The following GLRX3 variants were observed in gnomAD, a reference collection of about 807,000 sequenced individuals.
The protein encoded by GLRX3 is glutaredoxin-3.
A neutral mutation model predicts 49.5 loss-of-function variants in GLRX3; 22 were observed. That is an observed-to-expected ratio of 0.44 (90% CI 0.32 to 0.63). The LOEUF (loss-of-function observed/expected upper bound fraction) is 0.63, where lower values mean the gene tolerates loss of function less well. Among genes scored for constraint, GLRX3 ranks in the 30% least tolerant of loss-of-function variants. The pLI, the probability that GLRX3 is intolerant of heterozygous loss-of-function variation, is 0.05. For synonymous variants in GLRX3, 133 were observed against 140.0 expected, an observed-to-expected ratio of 0.95 and a Z score of 0.35; for missense variants, 385 against 396.3, an observed-to-expected ratio of 0.97 and a Z score of 0.24.
chr10:130,173,802 T>C (rs142715071), intron 8 of GLRX3, among the ~76,000 whole-genome samples: 1 of 152,364 alleles, frequency 6.6e-6, no homozygotes, highest in East Asian at 1.9e-4. Flanking sequence ...ATTCCTTTTT[T>C]GGTAATTGCT....
intron 4 of GLRX3, among the ~76,000 whole-genome samples, chr10:130,163,955 GA>G (rs1205547413): frequency 1.3e-5 from 2 of 152,182 alleles, no homozygotes; most frequent in Non-Finnish European, 2.9e-5. Flanking sequence ...GGAGTATTTT[GA>G]TGTTTGTTTT....
intron 8 of GLRX3, among the ~76,000 whole-genome samples, chr10:130,174,438 C>T (rs1417657100): frequency 6.6e-6 from 1 of 152,232 alleles, no homozygotes; most frequent in Non-Finnish European, 1.5e-5. Flanking sequence ...TGGCAAGTTG[C>T]AGCTGGCTGC....
chr10:130,174,779 T>C, intron 8 of GLRX3, 88 bp from the exon 9 acceptor site: 3 of 847,898 alleles, frequency 3.5e-6, no homozygotes, highest in Middle Eastern at 3.4e-4. Context: ...AACGGTTTTC[T>C]TGATTATTTT....
At chr10:130,142,119 G>A (rs1717900195) in intron 1 of GLRX3, among the ~76,000 whole-genome samples, 1 of 152,028 alleles carries the variant, frequency 6.6e-6, no homozygotes, top group Non-Finnish European at 1.5e-5. Context: ...GGTGACTAGG[G>A]GCTCCTACAA....
intron 8 of GLRX3, among the ~76,000 whole-genome samples, chr10:130,174,494 C>T (rs1862875984): frequency 6.6e-6 from 1 of 152,256 alleles, no homozygotes; most frequent in Admixed American, 6.5e-5. Flanking sequence ...CACATCCCTT[C>T]ATTTATACAT....
intron 2 of GLRX3, among the ~76,000 whole-genome samples, chr10:130,155,973 G>A (rs1353256154): frequency 6.6e-6 from 1 of 152,198 alleles, no homozygotes; most frequent in African/African-American, 2.4e-5. Flanking sequence ...AGGGTCAGTG[G>A]AATGAGGACA....
At position 130,165,540 on chromosome 10, in the gene GLRX3, T is replaced by C. The variant is rs547587028; in HGVS notation, c.479-967T>C. 2.6e-5 allele frequency among the ~76,000 whole-genome samples: 4 copies of C among 152,318 alleles called. No individual in the cohort carries two copies. The South Asian group carries it at 8.3e-4, about 32-fold the overall frequency. On this transcript the variant is annotated intron_variant, in intron 4 of 10. Coordinates refer to ENST00000331244, the MANE Select transcript of GLRX3 (RefSeq NM_006541.5). ...ATGTAAATAGTTTTAAAAAAGAAAC[T>C]GTCAAGTTATGACATGAGATGAGAA... is the stretch of plus-strand genomic sequence containing the variant.
chr10:130,162,154 A>G (rs1398037943), intron 4 of GLRX3, among the ~76,000 whole-genome samples: 1 of 151,998 alleles, frequency 6.6e-6, no homozygotes, highest in Non-Finnish European at 1.5e-5. Context: ...ATTTTTTTGT[A>G]TTTTTAGTAG....
At chr10:130,143,883 GA>G (rs1413285430) in intron 1 of GLRX3, among the ~76,000 whole-genome samples, 1 of 151,980 alleles carries the variant, frequency 6.6e-6, no homozygotes, top group African/African-American at 2.4e-5. Context: ...GCTTTTAGTA[GA>G]GTTGGGGTTT....
intron 2 of GLRX3, among the ~76,000 whole-genome samples, chr10:130,158,155 CAGA>C (rs1862512541): frequency 6.6e-6 from 1 of 151,952 alleles, no homozygotes; most frequent in Admixed American, 6.6e-5. Flanking sequence ...ATTTGCTTCC[CAGA>C]AGAATTGTTA....
At chr10:130,155,822 A>G (rs976839430) in intron 2 of GLRX3, among the ~76,000 whole-genome samples, 13 of 152,346 alleles carry the variant, frequency 8.5e-5, no homozygotes, top group Middle Eastern at 3.4e-3. Context: ...AGGCTGGCAC[A>G]TGCCGGTGTT....
chr10:130,164,811 C>T (rs960348717), intron 4 of GLRX3, among the ~76,000 whole-genome samples: 1 of 152,170 alleles, frequency 6.6e-6, no homozygotes, highest in African/African-American at 2.4e-5. Context: ...TTCTTCTCAG[C>T]CAGTTACAGT....
intron 8 of GLRX3, 32 bp from the exon 9 acceptor site, chr10:130,174,835 T>C: frequency 7.2e-7 from 1 of 1,384,850 alleles, no homozygotes; most frequent in Non-Finnish European, 1.0e-6. Flanking sequence ...TTTAACTGTA[T>C]TTCCAGTTAA....
chr10:130,138,851 T>TG (rs1019482318), intron 1 of GLRX3, among the ~76,000 whole-genome samples: 3 of 145,738 alleles, frequency 2.1e-5, no homozygotes, highest in South Asian at 2.2e-4. Flanking sequence ...AAAAGTGTTT[T>TG]TTTTTTTTTT....
chr10:130,149,410 C>A (rs1402391402), intron 2 of GLRX3, among the ~76,000 whole-genome samples: 2 of 151,438 alleles, frequency 1.3e-5, no homozygotes, highest in Non-Finnish European at 2.9e-5. Context: ...CTACTGCACT[C>A]CGGCCTGCGT....
At chr10:130,180,314 A>G (rs1478327062), downstream of GLRX3, 4 of 152,142 alleles carry the variant, frequency 2.6e-5, no homozygotes. Context: ...AAGTGCTGGA[A>G]TTTACAGGTA....
chr10:130,136,477 C>G lies in GLRX3; in HGVS notation c.57C>G (p.Ala19=), dbSNP rs1003554892. Residue 19 remains alanine (A), a synonymous_variant, in exon 1 of 11, where the codon GCC becomes GCG. Transcript: ENST00000331244. ...AVAAVEEVGS[A]GQFEELLRLK... ...CGGCCGTGGAGGAGGTCGGCTCAGC[C>G]GGGCAGTTTGAGGAGCTGCTGCGCC... 5.5e-6 allele frequency: 7 copies of G among 1,266,664 alleles called. No individual in the cohort carries two copies. The highest frequency in any genetic ancestry group is 6.0e-6 in the Non-Finnish European group (6 of 1,000,220). The allele number at this position is 1,266,664 out of a possible 1,614,324, so 78.5% of individuals were successfully genotyped here.
At chr10:130,155,915 A>G (rs1307729335) in intron 2 of GLRX3, among the ~76,000 whole-genome samples, 2 of 152,270 alleles carry the variant, frequency 1.3e-5, no homozygotes, top group African/African-American at 4.8e-5. Context: ...GCCAAGTGGA[A>G]GGTGTTGCAG....
intron 1 of GLRX3, among the ~76,000 whole-genome samples, chr10:130,138,897 C>T (rs1261688708): frequency 1.7e-5 from 2 of 119,978 alleles, no homozygotes; most frequent in African/African-American, 6.6e-5. Flanking sequence ...CTCTCTGTTG[C>T]CCAGGCTGGA....
Sources: gnomAD v4.1 joint callset for allele counts (sites outside exome capture counted in the v4.1 genomes callset) on GRCh38, gnomAD v4.1.1 for gene constraint, MANE v1.5 for transcripts, NCBI Gene and HGNC (gene_info 2026-07-23, HGNC 2026-07-21) for gene names.